IGFN1: variants seen among roughly 807,000 people sequenced by gnomAD.
IGFN1 encodes immunoglobulin-like and fibronectin type III domain-containing protein 1.
A neutral mutation model predicts 289.5 loss-of-function variants in IGFN1; 253 were observed. The ratio of observed to expected loss-of-function variants is 0.87; its 90% CI spans 0.79 to 0.97. The LOEUF is 0.97. Among genes scored for constraint, IGFN1 ranks in the 50% least tolerant of loss-of-function variants. The pLI is 0.00. For synonymous variants in IGFN1, 1,706 were observed against 1,788.5 expected, an observed-to-expected ratio of 0.95 and a Z score of 1.16; for missense variants, 4,470 against 4,686.1, an observed-to-expected ratio of 0.95 and a Z score of 1.35.
In IGFN1 at chr1:201,208,552, T is replaced by G. The variant is rs1667548730; in HGVS notation, c.3659T>G (p.Leu1220Arg). The G allele has an allele frequency of 6.8e-7, 1 of 1,464,864 alleles. No individual in the cohort carries two copies. The highest frequency in any genetic ancestry group is 1.4e-5 in the African/African-American group (1 of 70,304). The allele number at this position is 1,464,864 out of a possible 1,614,324, so 90.7% of individuals were successfully genotyped here. A position where few individuals can be genotyped will look rare whatever the true frequency, so the allele number is the denominator to read the frequency against. The part of the protein sequence containing the change: ...NVLGYEDGSE[L>R]PGPQGTGVRT... ...CTGGGTTATGAGGATGGATCAGAAC[T>G]TCCAGGGCCTCAGGGAACTGGGGTC... is the stretch of plus-strand genomic sequence containing the variant. The change falls in exon 12 of 24, where the codon CTT becomes CGT. Residue 1220 changes from leucine to arginine, a missense_variant. By Grantham distance (102) the Leu-to-Arg change is moderately radical. This residue lies in a region of IGFN1 where 2,011 missense variants were observed against 1,953.4 expected (regional missense o/e 1.03). Coordinates refer to ENST00000335211, the MANE Select transcript of IGFN1 (RefSeq NM_001164586.2).
In IGFN1 at chr1:201,227,479, G is replaced by A. The variant is rs111254809; in HGVS notation, c.11113+271G>A. Among the ~76,000 whole-genome samples, 631 of 151,308 alleles carry A rather than the reference G, an allele frequency of 4.2e-3. 8 individuals carry two copies. The highest frequency in any genetic ancestry group is 0.015 in the African/African-American group (605 of 41,106). The stretch of plus-strand genomic sequence containing the variant: ...TTTCGCTCTTGTTGCCCAGGTTGGA[G>A]TGCAATGGCATGATCTCGGCTCACT... On this transcript the variant is annotated intron_variant, in intron 23 of 23. Coordinates refer to ENST00000335211, the MANE Select transcript of IGFN1 (RefSeq NM_001164586.2).
At chr1:201,192,550 T>G (rs547345926) in intron 1 of IGFN1, among the ~76,000 whole-genome samples, 1 of 152,202 alleles carries the variant, frequency 6.6e-6, no homozygotes, top group Non-Finnish European at 1.5e-5. Flanking sequence ...CACCTGACAC[T>G]ATAATTCACT....
At chr1:201,192,392 C>T (rs967824506) in intron 1 of IGFN1, among the ~76,000 whole-genome samples, 1 of 152,184 alleles carries the variant, frequency 6.6e-6, no homozygotes, top group Non-Finnish European at 1.5e-5. Context: ...AAGACATCCC[C>T]CCTCCCTGAT....
At position 201,214,211 on chromosome 1, in the gene IGFN1, C is replaced by T. The variant is rs748516725; in HGVS notation, c.8763C>T (p.Asp2921=). The change falls in exon 13 of 24, where the codon GAC becomes GAT. Residue 2921 remains aspartate, a synonymous_variant. Coordinates refer to ENST00000335211, the MANE Select transcript of IGFN1 (RefSeq NM_001164586.2). ...PMGHFSQGLA[D]MEVQPGEAAT... is the part of the protein sequence containing the mutation. ...GCCACTTCTCCCAGGGCCTGGCTGA[C>T]ATGGAAGTGCAGCCGGGGGAGGCCG... The T allele has an allele frequency of 1.2e-6, 2 of 1,613,434 alleles. No individual in the cohort carries two copies. The highest frequency in any genetic ancestry group is 1.7e-6 in the Non-Finnish European group (2 of 1,179,614).
rs1279727125 is a variant in IGFN1 at position 201,206,321 on chromosome 1, A to G, written c.1428A>G (p.Lys476=). The G allele has an allele frequency of 1.9e-6, 3 of 1,550,358 alleles. No homozygotes were observed. In the Admixed American group the frequency reaches 5.9e-5, roughly 30 times the overall value. ...GRHGYSLMGD[K]GTADSAWGPG... is the part of the protein sequence containing the mutation. ...ATGGCTACTCCTTGATGGGGGACAA[A>G]GGGACAGCTGACTCAGCCTGGGGCC... The change falls in exon 12 of 24, where the codon AAA becomes AAG. Residue 476 remains lysine (K), a synonymous_variant. Transcript: ENST00000335211.
intron 3 of IGFN1, among the ~76,000 whole-genome samples, chr1:201,195,516 C>T (rs1314021453): frequency 1.3e-5 from 2 of 152,176 alleles, no homozygotes; most frequent in Non-Finnish European, 2.9e-5. Flanking sequence ...TGCTCACCCA[C>T]TCTCAAAGAA....
Position 201,206,634 on chromosome 1 carries a change from A to G in IGFN1, c.1741A>G (p.Arg581Gly), listed in dbSNP as rs532728237. 7.1e-6 allele frequency: 11 copies of G among 1,540,214 alleles called. No homozygotes were observed. The highest frequency in any genetic ancestry group is 1.4e-5 in the African/African-American group (1 of 73,172). Residue 581 changes from arginine (R) to glycine (G), a missense_variant, in exon 12 of 24, where the codon AGA becomes GGA. Arg to Gly is a moderately radical substitution (Grantham distance 125). Around this residue, in one of 8 missense-constraint regions of IGFN1, gnomAD observed 2,011 missense variants for 1,953.4 expected, o/e 1.03. Transcript: ENST00000335211. Reference protein sequence around the residue: ...LGSSREGKEHRGDSGRQLDRH... With the variant: ...LGSSREGKEHGGDSGRQLDRH... ...GAGCAGCAGGGAAGGAAAGGAGCAC[A>G]GAGGGGACAGTGGAAGACAACTGGA... is the stretch of plus-strand genomic sequence containing the variant.
Position 201,209,208 on chromosome 1 carries a change from A to C in IGFN1, c.4315A>C (p.Lys1439Gln). ...TCCTGAGGGAATGGGCACAGGGAGC[A>C]AGGCAGGTTATAGGGATGGCTTAAG... is the stretch of plus-strand genomic sequence containing the variant. ...GAPEGMGTGS[K>Q]AGYRDGLRGS... Residue 1439 changes from lysine to glutamine, a missense_variant, in exon 12 of 24, where the codon AAG becomes CAG. Physicochemically the swap from Lys to Gln is moderately conservative, Grantham distance 53 (BLOSUM62 1). Coordinates refer to ENST00000335211, the MANE Select transcript of IGFN1 (RefSeq NM_001164586.2). 1 of 1,495,670 alleles carries C rather than the reference A, an allele frequency of 6.7e-7. No homozygotes were observed. Among genetic ancestry groups the C allele is most frequent in the Non-Finnish European group, 8.8e-7 (1 of 1,130,398 alleles). The allele number at this position is 1,495,670 out of a possible 1,614,324, so 92.6% of individuals were successfully genotyped here. A position where few individuals can be genotyped will look rare whatever the true frequency, so the allele number is the denominator to read the frequency against.
chr1:201,199,334 T>G lies in IGFN1; in HGVS notation c.368T>G (p.Val123Gly), dbSNP rs538203760. The change falls in exon 6 of 24, where the codon GTT becomes GGT. Residue 123 changes from valine (V) to glycine (G), a missense_variant and splice_region_variant. By Grantham distance (109) the Val-to-Gly change is moderately radical. Around this residue, in one of 8 missense-constraint regions of IGFN1, gnomAD observed 2,011 missense variants for 1,953.4 expected, o/e 1.03. Coordinates refer to ENST00000335211, the MANE Select transcript of IGFN1 (RefSeq NM_001164586.2). Reference protein sequence around the residue: ...ACSVRLTVIEVGFRKNRKRHR... With the variant: ...ACSVRLTVIEGGFRKNRKRHR... ...TTCCTCTCCTCCCTGGATGTTGCAG[T>G]TGGCTTTCGGAAGAATCGGAAGAGG... The G allele has an allele frequency of 1.3e-6, 2 of 1,551,948 alleles. No individual in the cohort carries two copies. Among genetic ancestry groups the G allele is most frequent in the Admixed American group, 3.9e-5 (2 of 50,988 alleles).
intron 1 of IGFN1, 103 bp from the exon 2 acceptor site, chr1:201,193,144 T>C: frequency 1.6e-6 from 1 of 625,470 alleles, no homozygotes; most frequent in African/African-American, 1.8e-5. Flanking sequence ...CAGCAGCTTT[T>C]TCCAGCTCCC....
In IGFN1 at chr1:201,207,690, A is replaced by C. The variant is rs1173611640; in HGVS notation, c.2797A>C (p.Lys933Gln). The change falls in exon 12 of 24, where the codon AAA becomes CAA. Residue 933 changes from lysine (K) to glutamine (Q), a missense_variant. Physicochemically the swap from Lys to Gln is moderately conservative, Grantham distance 53. This residue lies in a region of IGFN1 where 2,011 missense variants were observed against 1,953.4 expected (regional missense o/e 1.03). Coordinates refer to ENST00000335211, the MANE Select transcript of IGFN1 (RefSeq NM_001164586.2). ...GAATGGGTCAGGGAGCTCCAGAGTA[A>C]AAGGACCCAGAGGTGAGACAGGCTA... ...FWNGSGSSRV[K>Q]GPRGETGYKD... 1.3e-6 allele frequency: 2 copies of C among 1,537,000 alleles called. No homozygotes were observed. Among genetic ancestry groups the C allele is most frequent in the Non-Finnish European group, 1.7e-6 (2 of 1,146,898 alleles).
At position 201,215,819 on chromosome 1, in the gene IGFN1, G is replaced by C; in HGVS notation, c.9276G>C (p.Glu3092Asp). The C allele has an allele frequency of 6.3e-7, 1 of 1,597,934 alleles. No individual in the cohort carries two copies. The highest frequency in any genetic ancestry group is 8.5e-7 in the Non-Finnish European group (1 of 1,171,458). Residue 3092 changes from glutamate to aspartate, a missense_variant, in exon 15 of 24, where the codon GAG (glutamate) becomes GAC (aspartate). Physicochemically the swap from Glu to Asp is conservative, Grantham distance 45 (BLOSUM62 2). Coordinates refer to ENST00000335211, the MANE Select transcript of IGFN1 (RefSeq NM_001164586.2). ...GTGAGGGAGGCTCTGTGCAGGCCGA[G>C]CTCACTCTGCAAGTCATAGGTACCA... is the stretch of plus-strand genomic sequence containing the variant. ...LRSEGGSVQA[E>D]LTLQVIDKPD... is the part of the protein sequence containing the mutation.
At position 201,221,650 on chromosome 1, in the gene IGFN1, G is replaced by A. The variant is rs1256254763; in HGVS notation, c.10105G>A (p.Gly3369Arg). ...TTYTAKGLRP[G>R]EGYFVRVTAV... ...CTACACGGCCAAGGGGCTTCGGCCT[G>A]GAGAGGGCTACTTCGTGCGGGTGAC... is the stretch of plus-strand genomic sequence containing the variant. The change falls in exon 19 of 24, where the codon GGA (glycine) becomes AGA (arginine). Residue 3369 changes from glycine (G) to arginine (R), a missense_variant. This residue lies in a region of IGFN1 where 2,218 missense variants were observed against 2,114.1 expected (regional missense o/e 1.05). Transcript: ENST00000335211. 1 of 1,614,104 alleles carries A rather than the reference G, an allele frequency of 6.2e-7. No homozygotes were observed. The highest frequency in any genetic ancestry group is 1.7e-5 in the Admixed American group (1 of 60,006).
chr1:201,203,439 C>A (rs1667248359), intron 9 of IGFN1, among the ~76,000 whole-genome samples: 1 of 152,222 alleles, frequency 6.6e-6, no homozygotes, highest in South Asian at 2.1e-4. Flanking sequence ...GAGAGTAACT[C>A]TACTCACAGC....
chr1:201,216,779 G>A (rs781008873), intron 16 of IGFN1, 26 bp downstream of exon 16: 5 of 1,561,838 alleles, frequency 3.2e-6, no homozygotes, highest in East Asian at 4.5e-5. Context: ...GGGGCTGGGG[G>A]TGGGGGACAC....
chr1:201,202,102 G>C (rs1356206290), intron 9 of IGFN1, among the ~76,000 whole-genome samples: 1 of 152,134 alleles, frequency 6.6e-6, no homozygotes, highest in Non-Finnish European at 1.5e-5. Context: ...ACCAGAGCAC[G>C]GGGGTGAAAA....
Position 201,212,990 on chromosome 1 carries a change from T to C in IGFN1, c.8097T>C (p.Pro2699=). Residue 2699 remains proline, a synonymous_variant, in exon 12 of 24, where the codon CCT becomes CCC. Coordinates refer to ENST00000335211, the MANE Select transcript of IGFN1 (RefSeq NM_001164586.2). ...PWSLDSKGSS[P]GRGSSVDAED... is the part of the protein sequence containing the mutation. ...CCCTGGATAGCAAAGGTTCAAGTCC[T>C]GGAAGGGGCAGTTCTGTTGATGCAG... 6.4e-7 allele frequency: 1 copy of C among 1,551,516 alleles called. No homozygotes were observed. Among genetic ancestry groups the C allele is most frequent in the Admixed American group, 2.0e-5 (1 of 50,996 alleles).
intron 19 of IGFN1, chr1:201,222,376 G>C (rs1480200711): frequency 5.6e-6 from 1 of 179,816 alleles, no homozygotes; most frequent in Non-Finnish European, 1.2e-5. Context: ...CCCGAACAAG[G>C]TGTGACCTCA....
Position 201,193,627 on chromosome 1 carries a change from T to C in IGFN1, c.7+327T>C, listed in dbSNP as rs575623857. Among the ~76,000 whole-genome samples, 8 of 152,260 alleles carry C rather than the reference T, an allele frequency of 5.3e-5. No homozygotes were observed. In the East Asian group the frequency reaches 1.5e-3, roughly 29 times the overall value. On this transcript the variant is annotated intron_variant, in intron 2 of 23. Transcript: ENST00000335211. ...CCACCATGCCTGGCTAATTTTTGTA[T>C]TTTTAGTAAAGGTGGGGTTTCACCA...
Sources: allele counts gnomAD v4.1 joint callset (sites outside exome capture counted in the v4.1 genomes callset), GRCh38; gene constraint gnomAD v4.1.1; regional missense constraint gnomAD v4.1.1; transcripts MANE v1.5; gene names NCBI Gene and HGNC (gene_info 2026-07-23, HGNC 2026-07-21).